The following C9orf153 variants were observed in gnomAD, a reference collection of about 807,000 sequenced individuals.
C9orf153 encodes uncharacterized protein C9orf153.
C9orf153 carries 10 observed loss-of-function variants against 9.0 expected under a neutral mutation model. The observed-to-expected ratio is 1.11, with a 90% CI of 0.69 to 1.89. C9orf153 has a LOEUF of 1.89. C9orf153 is among the 40% of genes most tolerant of loss of function. C9orf153 has a pLI of 0.00. For missense variants in C9orf153, 108 were observed against 111.0 expected, an observed-to-expected ratio of 0.97 and a Z score of 0.12; for synonymous variants, 35 against 37.3, an observed-to-expected ratio of 0.94 and a Z score of 0.23.
At position 86,237,417 on chromosome 9, in the gene C9orf153, C is replaced by T. The variant is rs561178980; in HGVS notation, c.-26-7788G>A. ...TGTCAGAGTGGACCAAAAAGAAGAC[C>T]CAATTAATTATATGTTGTCTACAAG... is the stretch of plus-strand genomic sequence containing the variant. On this transcript the variant is annotated intron_variant, in intron 1 of 3. Coordinates refer to ENST00000339137, the MANE Select transcript of C9orf153 (RefSeq NM_001276366.4). 2.0e-5 allele frequency among the ~76,000 whole-genome samples: 3 copies of T among 151,808 alleles called. No individual in the cohort carries two copies. The South Asian group carries it at 6.3e-4, about 32-fold the overall frequency.
At chr9:86,256,444 CCTG>C (rs1275775630) in intron 1 of C9orf153, among the ~76,000 whole-genome samples, 2 of 152,180 alleles carry the variant, frequency 1.3e-5, no homozygotes, top group African/African-American at 4.8e-5. Flanking sequence ...TGAACTGTAT[CCTG>C]CTAATTGAAT....
chr9:86,253,076 C>A (rs921915118), intron 1 of C9orf153, among the ~76,000 whole-genome samples: 8 of 151,906 alleles, frequency 5.3e-5, no homozygotes, highest in African/African-American at 1.9e-4. Flanking sequence ...CTGATTTCTT[C>A]AAAATTTGGA....
At chr9:86,233,413 T>C (rs1367787384) in intron 1 of C9orf153, among the ~76,000 whole-genome samples, 3 of 152,146 alleles carry the variant, frequency 2.0e-5, no homozygotes, top group African/African-American at 7.2e-5. Flanking sequence ...TTTACAGTCC[T>C]CACTTTTCTT....
At chr9:86,240,207 A>C (rs1824699909) in intron 1 of C9orf153, among the ~76,000 whole-genome samples, 1 of 152,138 alleles carries the variant, frequency 6.6e-6, no homozygotes, top group Non-Finnish European at 1.5e-5. Flanking sequence ...TGAAACACAG[A>C]CAAGGTAAGC....
Position 86,257,875 on chromosome 9 carries a change from C to T in C9orf153, c.-27+1675G>A, listed in dbSNP as rs77743326. 3.6e-3 allele frequency among the ~76,000 whole-genome samples: 542 copies of T among 152,238 alleles called. 9 individuals are homozygous for T. Among genetic ancestry groups the T allele is most frequent in the East Asian group, 9.1e-3 (47 of 5,180 alleles). On this transcript the variant is annotated intron_variant, in intron 1 of 3. Transcript: ENST00000339137. Reference sequence around the variant, plus strand: ...TGACAAAGGTGACAGTGTCCTGTCACGATGGCTTCAGGGAATGAGCGGTGT... The same window carrying T: ...TGACAAAGGTGACAGTGTCCTGTCATGATGGCTTCAGGGAATGAGCGGTGT...
Position 86,227,853 on chromosome 9 carries a change from A to C in C9orf153, c.242+2T>G, listed in dbSNP as rs1304732417. On this transcript the variant is annotated splice_donor_variant, in intron 3 of 3. Coordinates refer to ENST00000339137, the MANE Select transcript of C9orf153 (RefSeq NM_001276366.4). LOFTEE classifies it high-confidence loss of function. ...TGCTTCTCTTTTTTAACCACTGTGC[A>C]CCTGATAACAGGTTGGAGATCTCCT... 1 of 1,607,604 alleles carries C rather than the reference A, an allele frequency of 6.2e-7. No individual in the cohort carries two copies.
intron 1 of C9orf153, among the ~76,000 whole-genome samples, chr9:86,232,640 T>C (rs900779097): frequency 1.3e-5 from 2 of 152,064 alleles, no homozygotes; most frequent in Non-Finnish European, 2.9e-5. Context: ...TCCCTCCAAA[T>C]CAGAAGGAAA....
chr9:86,250,236 C>T (rs998324744), intron 1 of C9orf153, among the ~76,000 whole-genome samples: 1 of 152,110 alleles, frequency 6.6e-6, no homozygotes, highest in African/African-American at 2.4e-5. Flanking sequence ...GACAGTCTTT[C>T]TTCATGTGAT....
chr9:86,244,584 A>G (rs1824824398), intron 1 of C9orf153, among the ~76,000 whole-genome samples: 2 of 152,262 alleles, frequency 1.3e-5, no homozygotes, highest in South Asian at 2.1e-4. Context: ...CAAAGTAGAT[A>G]TAAAATAAAA....
intron 1 of C9orf153, among the ~76,000 whole-genome samples, chr9:86,236,954 A>C (rs4428746): frequency 0.16 from 23,671 of 150,922 alleles, 2,189 homozygotes; most frequent in East Asian, 0.46. Context: ...AAAAAAAAAA[A>C]AACAAAATAT....
At chr9:86,249,698 A>C (rs759786410) in intron 1 of C9orf153, among the ~76,000 whole-genome samples, 47 of 152,070 alleles carry the variant, frequency 3.1e-4, no homozygotes, top group Non-Finnish European at 6.2e-4. Context: ...ACAAGTGTGC[A>C]CCACCACACT....
At chr9:86,223,453 G>C (rs1311003929) in intron 3 of C9orf153, among the ~76,000 whole-genome samples, 4 of 152,218 alleles carry the variant, frequency 2.6e-5, no homozygotes, top group Non-Finnish European at 4.4e-5. Context: ...GGGTGACAGA[G>C]CAAGACTCTG....
At chr9:86,228,836 G>C (rs1587797714) in intron 2 of C9orf153, 2 of 196,094 alleles carry the variant, frequency 1.0e-5, no homozygotes, top group East Asian at 2.3e-4. Context: ...TGGGAAAGTA[G>C]AAGGGACTTT....
chr9:86,238,644 T>G (rs1824658368), intron 1 of C9orf153, among the ~76,000 whole-genome samples: 1 of 152,202 alleles, frequency 6.6e-6, no homozygotes, highest in Non-Finnish European at 1.5e-5. Context: ...AACTTTTACT[T>G]TCCTTGTATG....
At chr9:86,257,797 G>C (rs557434861) in intron 1 of C9orf153, among the ~76,000 whole-genome samples, 34 of 152,288 alleles carry the variant, frequency 2.2e-4, no homozygotes, top group African/African-American at 8.2e-4. Flanking sequence ...AAAAGTCTGT[G>C]GTCTTGGCCA....
intron 1 of C9orf153, among the ~76,000 whole-genome samples, chr9:86,248,912 A>G (rs1054770037): frequency 6.6e-6 from 1 of 152,024 alleles, no homozygotes; most frequent in South Asian, 2.1e-4. Flanking sequence ...CTGAGGTGTA[A>G]TCTCATCTGG....
intron 1 of C9orf153, among the ~76,000 whole-genome samples, chr9:86,243,421 T>C (rs1824791405): frequency 1.3e-5 from 2 of 152,150 alleles, no homozygotes; most frequent in African/African-American, 2.4e-5. Context: ...GTTCTGGCCA[T>C]AGAGCACCTA....
At chr9:86,254,995 G>A (rs553641096) in intron 1 of C9orf153, among the ~76,000 whole-genome samples, 29 of 151,902 alleles carry the variant, frequency 1.9e-4, no homozygotes, top group Middle Eastern at 3.4e-3. Context: ...AACCCAGGAG[G>A]TGGAGGTTGC....
Position 86,220,351 on chromosome 9 carries a change from G to A in C9orf153, c.*1337C>T, listed in dbSNP as rs1824169940. On this transcript the variant is annotated 3_prime_UTR_variant, in exon 4 of 4. Coordinates refer to ENST00000339137, the MANE Select transcript of C9orf153 (RefSeq NM_001276366.4). ...GCCATTATTTCTTGCATTCCCTCTG[G>A]GTTCTTACTAAAATACATACTTTAT... is the stretch of plus-strand genomic sequence containing the variant. 1 of 151,870 alleles carries A rather than the reference G, an allele frequency of 6.6e-6. No individual in the cohort carries two copies. The highest frequency in any genetic ancestry group is 1.5e-5 in the Non-Finnish European group (1 of 67,966). 9.4% of individuals were successfully genotyped at this position (151,870 alleles called of 1,614,324 possible). A position where few individuals can be genotyped will look rare whatever the true frequency, so the allele number is the denominator to read the frequency against.
Sources: gnomAD v4.1 joint callset for allele counts (sites outside exome capture counted in the v4.1 genomes callset) on GRCh38, gnomAD v4.1.1 for gene constraint, MANE v1.5 for transcripts, NCBI Gene and HGNC (gene_info 2026-07-23, HGNC 2026-07-21) for gene names.